The following SORL1 variants were observed in gnomAD, a reference collection of about 807,000 sequenced individuals.
The protein encoded by SORL1 is sortilin related receptor 1, also known as sortilin-related receptor.
A neutral mutation model predicts 273.7 loss-of-function variants in SORL1; 127 were observed. The observed-to-expected ratio is 0.46, with a 90% CI of 0.40 to 0.54. SORL1 has a LOEUF of 0.54. Ranked by LOEUF, SORL1 falls within the 20% of genes least tolerant of loss-of-function variation. The pLI, the probability that SORL1 is intolerant of heterozygous loss-of-function variation, is 0.00. For synonymous variants in SORL1, 1,031 were observed against 1,067.4 expected (o/e 0.97, Z 0.66); for missense variants, 2,494 against 2,846.1 (o/e 0.88, Z 2.81).
chr11:121,474,625 G>A (rs751323060), intron 2 of SORL1, among the ~76,000 whole-genome samples: 1 of 152,198 alleles, frequency 6.6e-6, no homozygotes, highest in Non-Finnish European at 1.5e-5. Context: ...TTAGGGAGTA[G>A]CATCATATTG....
chr11:121,587,214 C>G (rs1387208222), intron 27 of SORL1, among the ~76,000 whole-genome samples: 1 of 152,084 alleles, frequency 6.6e-6, no homozygotes, highest in African/African-American at 2.4e-5. Flanking sequence ...ATAGGATATG[C>G]ATATGTATAT....
intron 2 of SORL1, among the ~76,000 whole-genome samples, chr11:121,475,769 G>A (rs892250006): frequency 1.3e-4 from 20 of 152,154 alleles, no homozygotes; most frequent in African/African-American, 4.6e-4. Context: ...GGTATGACCC[G>A]GAGCTAGCCA....
intron 41 of SORL1, among the ~76,000 whole-genome samples, chr11:121,618,461 C>CT (rs1181650811): frequency 6.6e-6 from 1 of 152,106 alleles, no homozygotes; most frequent in Non-Finnish European, 1.5e-5. Flanking sequence ...ATGTGGGTTT[C>CT]TGGTGTAGCA....
chr11:121,605,177 T>C lies in SORL1; in HGVS notation c.4716T>C (p.Thr1572=). The C allele has an allele frequency of 6.2e-7, 1 of 1,613,920 alleles. No homozygotes were observed. The highest frequency in any genetic ancestry group is 1.1e-5 in the South Asian group (1 of 91,070). ...QWTADFSGDV[T]LTWMRPKKMP... ...CAGCTGACTTCTCTGGGGATGTGACTTTGACCTGGATGAGGCCCAAAAAAA... is the reference window on the plus strand; with the variant it reads ...CAGCTGACTTCTCTGGGGATGTGACCTTGACCTGGATGAGGCCCAAAAAAA... Residue 1572 remains threonine (T), a synonymous_variant, in exon 34 of 48, where the codon ACT becomes ACC. Coordinates refer to ENST00000260197, the MANE Select transcript of SORL1 (RefSeq NM_003105.6).
At chr11:121,493,406 A>C (rs1187792054) in intron 5 of SORL1, among the ~76,000 whole-genome samples, 6 of 151,886 alleles carry the variant, frequency 4.0e-5, no homozygotes, top group Admixed American at 3.9e-4. Context: ...ACAGGCACCC[A>C]CCACCATGCC....
chr11:121,620,721 T>G (rs1311908530), intron 43 of SORL1, among the ~76,000 whole-genome samples: 1 of 152,224 alleles, frequency 6.6e-6, no homozygotes, highest in Non-Finnish European at 1.5e-5. Context: ...ACAACATCCA[T>G]GAACTATTGC....
In SORL1 at chr11:121,550,179, C is replaced by T. The variant is rs1231663522; in HGVS notation, c.2180+91C>T. Reference sequence around the variant, plus strand: ...AGGACCGTCTGGATTGCTCTACACTCGAAATTCTAGAATTCCAAGTTAACA... The same window carrying T: ...AGGACCGTCTGGATTGCTCTACACTTGAAATTCTAGAATTCCAAGTTAACA... On this transcript the variant is annotated intron_variant, in intron 15 of 47. Coordinates refer to ENST00000260197, the MANE Select transcript of SORL1 (RefSeq NM_003105.6). The surrounding 1 kb of genome is among the most constrained non-coding windows in gnomAD (Gnocchi z 5.3). 29 of 1,328,016 alleles carry T rather than the reference C, an allele frequency of 2.2e-5. No individual in the cohort carries two copies. Among genetic ancestry groups the T allele is most frequent in the Middle Eastern group, 2.1e-4 (1 of 4,780 alleles). The allele number at this position is 1,328,016 out of a possible 1,614,324, so 82.3% of individuals were successfully genotyped here.
chr11:121,540,046 T>C, intron 12 of SORL1, among the ~76,000 whole-genome samples: 1 of 152,214 alleles, frequency 6.6e-6, no homozygotes, highest in East Asian at 1.9e-4. Flanking sequence ...AACAGACTAC[T>C]GGCTATGAGA....
rs1863209144 is a variant in SORL1 at position 121,591,175 on chromosome 11, C to G, written c.4369+19C>G. 1 of 1,613,738 alleles carries G rather than the reference C, an allele frequency of 6.2e-7. No homozygotes were observed. Among genetic ancestry groups the G allele is most frequent in the East Asian group, 2.2e-5 (1 of 44,872 alleles). ...TTGCTTGGTGAGTTCTGGCCCAGGT[C>G]CTCTCCTGTGGTACCTGCTATTGTG... is the stretch of plus-strand genomic sequence containing the variant. On this transcript the variant is annotated intron_variant, in intron 31 of 47. Coordinates refer to ENST00000260197, the MANE Select transcript of SORL1 (RefSeq NM_003105.6).
chr11:121,481,236 A>G (rs112697536), intron 3 of SORL1, among the ~76,000 whole-genome samples: 1,829 of 26,274 alleles, frequency 0.07, 3 homozygotes, highest in Admixed American at 0.08. Context: ...CCTATAGGCA[A>G]GCTCCATCTC....
At chr11:121,473,338 C>T (rs1016974702) in intron 2 of SORL1, among the ~76,000 whole-genome samples, 2 of 152,184 alleles carry the variant, frequency 1.3e-5, no homozygotes, top group African/African-American at 2.4e-5. Context: ...AAGTCTTGCT[C>T]TCAAACGGGG....
At chr11:121,587,158 TTG>T (rs1206374554) in intron 27 of SORL1, among the ~76,000 whole-genome samples, 5 of 152,188 alleles carry the variant, frequency 3.3e-5, no homozygotes, top group African/African-American at 1.2e-4. Flanking sequence ...TGCTTTCTAG[TTG>T]TGTTAGTTGG....
At chr11:121,557,885 G>A (rs1208942570) in intron 19 of SORL1, among the ~76,000 whole-genome samples, 1 of 152,144 alleles carries the variant, frequency 6.6e-6, no homozygotes, top group Non-Finnish European at 1.5e-5. Context: ...GGGAAATTCT[G>A]GATTTGACAT....
intron 11 of SORL1, among the ~76,000 whole-genome samples, chr11:121,523,598 G>C (rs1001201754): frequency 6.6e-6 from 1 of 151,320 alleles, no homozygotes; most frequent in Non-Finnish European, 1.5e-5. Flanking sequence ...GGGCATTAGA[G>C]AATTTCCAAA....
At position 121,595,855 on chromosome 11, in the gene SORL1, C is replaced by T; in HGVS notation, c.4519+83C>T. ...TGGTGCTTCTGCTTCATTTCTGGAT[C>T]AGCACACGCCTGTGTGTGAGTCTGT... is the stretch of plus-strand genomic sequence containing the variant. On this transcript the variant is annotated intron_variant, in intron 32 of 47. Coordinates refer to ENST00000260197, the MANE Select transcript of SORL1 (RefSeq NM_003105.6). The surrounding 1 kb of genome is among the most constrained non-coding windows in gnomAD (Gnocchi z 5.1). 1 of 1,433,834 alleles carries T rather than the reference C, an allele frequency of 7.0e-7. No homozygotes were observed. Among genetic ancestry groups the T allele is most frequent in the South Asian group, 1.2e-5 (1 of 81,856 alleles). 88.8% of individuals were successfully genotyped at this position (1,433,834 alleles called of 1,614,324 possible).
chr11:121,550,471 G>T lies in SORL1; in HGVS notation c.2181-114G>T. ...AACATCCTCTTTCTAGTTCTAAAGA[G>T]AAATGAGTGGATGGACTCTACTGGC... is the stretch of plus-strand genomic sequence containing the variant. On this transcript the variant is annotated intron_variant, in intron 15 of 47. Coordinates refer to ENST00000260197, the MANE Select transcript of SORL1 (RefSeq NM_003105.6). This position sits in a 1 kb window ranked among gnomAD's most constrained non-coding sequence, Gnocchi z 5.3. The T allele has an allele frequency of 4.6e-6, 4 of 862,838 alleles. No homozygotes were observed. Among genetic ancestry groups the T allele is most frequent in the Non-Finnish European group, 5.8e-6 (3 of 517,268 alleles). 53.4% of individuals were successfully genotyped at this position (862,838 alleles called of 1,614,324 possible).
At chr11:121,530,661 CTATATT>C (rs1365075056) in intron 11 of SORL1, among the ~76,000 whole-genome samples, 2 of 152,032 alleles carry the variant, frequency 1.3e-5, no homozygotes, top group East Asian at 3.9e-4. Flanking sequence ...GATTTTGAAT[CTATATT>C]TATATCTTTC....
chr11:121,497,523 C>G (rs1360086026), intron 6 of SORL1, among the ~76,000 whole-genome samples: 1 of 152,128 alleles, frequency 6.6e-6, no homozygotes, highest in Non-Finnish European at 1.5e-5. Context: ...AGTTAATGCT[C>G]TAAGAAAAGC....
At chr11:121,556,033 T>C (rs1001333598) in intron 18 of SORL1, among the ~76,000 whole-genome samples, 2 of 152,170 alleles carry the variant, frequency 1.3e-5, no homozygotes, top group African/African-American at 2.4e-5. Context: ...ACTCGAGAGA[T>C]AGACCCAGAT....
Sources: gnomAD v4.1 joint callset for allele counts (sites outside exome capture counted in the v4.1 genomes callset) on GRCh38, gnomAD v4.1.1 for gene constraint, Gnocchi (gnomAD v3.1) non-coding constraint, MANE v1.5 for transcripts, NCBI Gene and HGNC (gene_info 2026-07-23, HGNC 2026-07-21) for gene names.